The following CCDC127 variants were observed in gnomAD, a reference collection of about 807,000 sequenced individuals.
CCDC127 encodes the protein coiled-coil domain-containing protein 127.
A neutral mutation model predicts 4.1 loss-of-function variants in CCDC127; 2 were observed. That is an observed-to-expected ratio of 0.49 (90% CI 0.20 to 1.53). CCDC127 has a LOEUF of 1.53. CCDC127 is among the 40% of genes most tolerant of loss of function. CCDC127 has a pLI of 0.23. For missense variants in CCDC127, 271 were observed against 322.9 expected (o/e 0.84, Z 1.23); for synonymous variants, 98 against 120.4 (o/e 0.81, Z 1.22).
intron 1 of CCDC127, chr5:217,328 A>G (rs1734429869): frequency 6.2e-6 from 1 of 160,648 alleles, no homozygotes; most frequent in Admixed American, 5.9e-5. Flanking sequence ...TGTCAACTTG[A>G]CGGCATCATG....
At chr5:215,261 CT>C (rs1734358286) in intron 2 of CCDC127, 1 of 147,882 alleles carries the variant, frequency 6.8e-6, no homozygotes, top group South Asian at 2.1e-4. Flanking sequence ...ACCACACTAC[CT>C]CAGCAAAAAA....
chr5:208,349 A>G (rs1455204440), intron 2 of CCDC127, among the ~76,000 whole-genome samples: 4 of 152,210 alleles, frequency 2.6e-5, no homozygotes, highest in Admixed American at 2.0e-4. Context: ...GACACAGTCA[A>G]TTGGAAATCT....
intron 2 of CCDC127, among the ~76,000 whole-genome samples, chr5:211,355 C>T (rs1378229362): frequency 1.4e-4 from 4 of 29,214 alleles, no homozygotes; most frequent in African/African-American, 6.4e-4. Flanking sequence ...ATGGGGCAGA[C>T]GGGACAGCAG....
At position 205,859 on chromosome 5, in the gene CCDC127, T is replaced by A; in HGVS notation, c.221A>T (p.Tyr74Phe). The change falls in exon 3 of 3, where the codon TAC becomes TTC. Residue 74 changes from tyrosine (Y) to phenylalanine (F), a missense_variant. Around this residue, in one of 2 missense-constraint regions of CCDC127, gnomAD observed 265 missense variants for 270.9 expected, o/e 0.98. Coordinates refer to ENST00000296824, the MANE Select transcript of CCDC127 (RefSeq NM_145265.3). ...CCGATTTTCTGAGATCATGGCGTGG[T>A]ACTTGGCTTCCAGATCCTGTTGAAA... ...AAFQQDLEAK[Y>F]HAMISENRRA... is the part of the protein sequence containing the mutation. 1 of 1,614,226 alleles carries A rather than the reference T, an allele frequency of 6.2e-7. No homozygotes were observed. The highest frequency in any genetic ancestry group is 8.5e-7 in the Non-Finnish European group (1 of 1,180,044).
chr5:202,456 GCACCTGTAGTCCCAGCTACT>G lies in CCDC127; in HGVS notation c.*2821_*2840del, dbSNP rs1734090286. 1 of 152,178 alleles carries G rather than the reference GCACCTGTAGTCCCAGCTACT, an allele frequency of 6.6e-6. No homozygotes were observed. The highest frequency in any genetic ancestry group is 6.5e-5 in the Admixed American group (1 of 15,282). 9.4% of individuals were successfully genotyped at this position (152,178 alleles called of 1,614,324 possible). On this transcript the variant is annotated 3_prime_UTR_variant, in exon 3 of 3. Coordinates refer to ENST00000296824, the MANE Select transcript of CCDC127 (RefSeq NM_145265.3). Reference sequence around the variant, plus strand: ...AAAAATTAGCCAGGCATGGTGGCAGGCACCTGTAGTCCCAGCTACTCGGGAGGCTGAGGCAGGCAAACTAC... The same window carrying G: ...AAAAATTAGCCAGGCATGGTGGCAGGCGGGAGGCTGAGGCAGGCAAACTAC...
At position 205,283 on chromosome 5, in the gene CCDC127, A is replaced by T; in HGVS notation, c.*14T>A. ...GCCTCGAGTCACTAAAAGCAGTTTG[A>T]TTTCACTCTTGTCTTACTTTTCTAG... is the stretch of plus-strand genomic sequence containing the variant. On this transcript the variant is annotated 3_prime_UTR_variant, in exon 3 of 3. Coordinates refer to ENST00000296824, the MANE Select transcript of CCDC127 (RefSeq NM_145265.3). The T allele has an allele frequency of 6.3e-7, 1 of 1,593,024 alleles. No individual in the cohort carries two copies. The highest frequency in any genetic ancestry group is 8.6e-7 in the Non-Finnish European group (1 of 1,167,074).
At chr5:215,307 G>A (rs1734359109) in intron 2 of CCDC127, 1 of 152,002 alleles carries the variant, frequency 6.6e-6, no homozygotes. Context: ...ACCCTTTTCA[G>A]GGACAGAAAG....
rs546228330 is a variant in CCDC127 at position 197,193 on chromosome 5, C to T, written c.*8104G>A. ...CGCAAACATGTCTCGCCTCCCGCCA[C>T]AAGGCGGCTTTTCTCCTGTCTCAGA... On this transcript the variant is annotated 3_prime_UTR_variant, in exon 3 of 3. Transcript: ENST00000296824. The T allele has an allele frequency of 1.9e-4, 29 of 152,332 alleles. No individual in the cohort carries two copies. Among genetic ancestry groups the T allele is most frequent in the East Asian group, 3.9e-4 (2 of 5,176 alleles). 9.4% of individuals were successfully genotyped at this position (152,332 alleles called of 1,614,324 possible).
At chr5:210,445 T>TA (rs58149886) in intron 2 of CCDC127, among the ~76,000 whole-genome samples, 31,021 of 151,904 alleles carry the variant, frequency 0.2, 4,467 homozygotes, top group African/African-American at 0.4. Context: ...AACTCAACAT[T>TA]AAAAAACAAA....
rs1365681719 is a variant in CCDC127, at chr5:204,792, G to GT, written c.*504_*505insA. On this transcript the variant is annotated 3_prime_UTR_variant, in exon 3 of 3. Transcript: ENST00000296824. Reference sequence around the variant, plus strand: ...GGTATTTCCCCTTTATGGAGTGAGAGAGATCTTTAAAATATAAACCCTTGA... The same window carrying GT: ...GGTATTTCCCCTTTATGGAGTGAGAGTAGATCTTTAAAATATAAACCCTTGA... 9 of 152,452 alleles carry GT rather than the reference G, an allele frequency of 5.9e-5. No individual in the cohort carries two copies. Among genetic ancestry groups the GT allele is most frequent in the African/African-American group, 1.7e-4 (7 of 41,446 alleles). The allele number at this position is 152,452 out of a possible 1,614,324, so 9.4% of individuals were successfully genotyped here.
chr5:206,358 C>T (rs887122467), intron 2 of CCDC127, among the ~76,000 whole-genome samples: 13 of 152,246 alleles, frequency 8.5e-5, no homozygotes, highest in Admixed American at 7.2e-4. Context: ...GAGTTTGAGA[C>T]ACTGCTTATG....
Position 210,228 on chromosome 5 carries a change from A to C in CCDC127, c.122-4270T>G, listed in dbSNP as rs1734254303. Among the ~76,000 whole-genome samples the C allele has an allele frequency of 2.0e-5, 3 of 152,254 alleles. No individual in the cohort carries two copies. In the South Asian group the frequency reaches 6.2e-4, roughly 31 times the overall value. On this transcript the variant is annotated intron_variant, in intron 2 of 2. Coordinates refer to ENST00000296824, the MANE Select transcript of CCDC127 (RefSeq NM_145265.3). ...GGAAGAAAAAACCTTCAGGATCTAG[A>C]GCTAGGCAGAATTCTTAGACTTTCC...
chr5:218,109 G>C lies in CCDC127; in HGVS notation c.-27C>G. 2.5e-6 allele frequency: 3 copies of C among 1,214,808 alleles called. No individual in the cohort carries two copies. The highest frequency in any genetic ancestry group is 3.1e-6 in the Non-Finnish European group (3 of 974,420). The allele number at this position is 1,214,808 out of a possible 1,614,324, so 75.3% of individuals were successfully genotyped here. A position where few individuals can be genotyped will look rare whatever the true frequency, so the allele number is the denominator to read the frequency against. On this transcript the variant is annotated 5_prime_UTR_variant, in exon 1 of 3. Coordinates refer to ENST00000296824, the MANE Select transcript of CCDC127 (RefSeq NM_145265.3). ...CCGCTCTACCTCGGTCGGGGAGCGC[G>C]GGACCTCAGCGTTCCCTTAACGCCA... is the stretch of plus-strand genomic sequence containing the variant.
chr5:217,941 C>T (rs1014166822), intron 1 of CCDC127, among the ~76,000 whole-genome samples, 152 bp downstream of exon 1: 3 of 152,262 alleles, frequency 2.0e-5, no homozygotes, highest in African/African-American at 7.2e-5. Flanking sequence ...CGGGCCGCTC[C>T]CGCCCACCTC....
Position 211,408 on chromosome 5 carries a change from T to C in CCDC127, c.121+5321A>G, listed in dbSNP as rs71583055. ...TCGACATCGCACACTGCAGCCACAA[T>C]GAGACAGCACCACACACCCATCAGG... On this transcript the variant is annotated intron_variant, in intron 2 of 2. Transcript: ENST00000296824. 5.3e-3 allele frequency among the ~76,000 whole-genome samples: 31 copies of C among 5,812 alleles called. 6 individuals are homozygous for C. Among genetic ancestry groups the C allele is most frequent in the Non-Finnish European group, 0.01 (25 of 2,484 alleles). The allele number at this position is 5,812 out of a possible 152,430, so 3.8% of individuals were successfully genotyped here. A position where few individuals can be genotyped will look rare whatever the true frequency, so the allele number is the denominator to read the frequency against.
At chr5:212,900 TGA>T (rs68119729) in intron 2 of CCDC127, among the ~76,000 whole-genome samples, 1 of 3,082 alleles carries the variant, frequency 3.2e-4, no homozygotes, top group Non-Finnish European at 7.8e-4. Context: ...GTGAGCACGC[TGA>T]GATGCTCGAC....
intron 1 of CCDC127, 139 bp downstream of exon 1, chr5:217,954 C>A: frequency 2.9e-6 from 1 of 345,016 alleles, no homozygotes; most frequent in Non-Finnish European, 4.4e-6. Context: ...CCCACCTCCG[C>A]GGACGAGCGC....
rs1376155634 is a variant in CCDC127, at chr5:201,378, CAG to C, written c.*3917_*3918del. On this transcript the variant is annotated 3_prime_UTR_variant, in exon 3 of 3. Transcript: ENST00000296824. ...CAATCACTTTTTAAACAATCCAACA[CAG>C]AAATAGTCCGTTACACATTTTAATT... 3.3e-5 allele frequency: 5 copies of C among 152,186 alleles called. No individual in the cohort carries two copies. Among genetic ancestry groups the C allele is most frequent in the African/African-American group, 1.2e-4 (5 of 41,434 alleles). 9.4% of individuals were successfully genotyped at this position (152,186 alleles called of 1,614,324 possible).
intron 2 of CCDC127, among the ~76,000 whole-genome samples, chr5:209,726 G>A (rs1205792273): frequency 6.6e-6 from 1 of 152,226 alleles, no homozygotes; most frequent in Admixed American, 6.5e-5. Context: ...TTTGCAGCCT[G>A]GTCACAAACA....
Sources: gnomAD v4.1 joint callset for allele counts (sites outside exome capture counted in the v4.1 genomes callset) on GRCh38, gnomAD v4.1.1 for gene constraint, gnomAD v4.1.1 regional missense constraint, MANE v1.5 for transcripts, NCBI Gene and HGNC (gene_info 2026-07-23, HGNC 2026-07-21) for gene names.